Variants in LGSN observed in about 807,000 individuals in gnomAD.
LGSN encodes lengsin.
Under a neutral mutation model 19.5 loss-of-function variants are expected in LGSN, and 21 were observed. The ratio of observed to expected loss-of-function variants is 1.07; its 90% CI spans 0.76 to 1.55. The LOEUF is 1.55. LGSN is among the 40% of genes most tolerant of loss of function. The probability of loss-of-function intolerance (pLI) is 0.00; values close to 1 mark genes in which losing one functional copy is unlikely to be tolerated. For missense variants in LGSN, 673 were observed against 608.5 expected, an observed-to-expected ratio of 1.11 and a Z score of -1.12; for synonymous variants, 257 against 215.6, an observed-to-expected ratio of 1.19 and a Z score of -1.68.
the LGSN span, among the ~76,000 whole-genome samples, chr6:63,374,075 A>T: frequency 3.9e-5 from 6 of 152,126 alleles, no homozygotes; most frequent in Non-Finnish European, 8.8e-5. Flanking sequence ...TTAGAAAATG[A>T]CCTTATTTTT....
At chr6:63,412,513 A>AGAAAGAAGGAAG in the LGSN span, among the ~76,000 whole-genome samples, 2 of 113,904 alleles carry the variant, frequency 1.8e-5, no homozygotes, top group South Asian at 2.9e-4. Context: ...AAAGAAAGAA[A>AGAAAGAAGGAAG]GAAAGAAAGA....
the LGSN span, among the ~76,000 whole-genome samples, chr6:63,555,493 G>A: frequency 6.6e-6 from 1 of 152,166 alleles, no homozygotes; most frequent in African/African-American, 2.4e-5. Context: ...GTTACCAGAA[G>A]TATTACTACT....
At chr6:63,511,999 A>G in the LGSN span, among the ~76,000 whole-genome samples, 1 of 152,188 alleles carries the variant, frequency 6.6e-6, no homozygotes, top group Non-Finnish European at 1.5e-5. Context: ...ATTTTACTAT[A>G]TGGCAAGAAG....
intron 1 of LGSN, among the ~76,000 whole-genome samples, chr6:63,314,109 C>T (rs548507780): frequency 4.6e-5 from 7 of 152,134 alleles, no homozygotes; most frequent in East Asian, 1.9e-4. Flanking sequence ...GAGTTAAGAA[C>T]GGCATGTTTG....
the LGSN span, among the ~76,000 whole-genome samples, chr6:63,330,572 A>G: frequency 6.6e-6 from 1 of 152,210 alleles, no homozygotes; most frequent in Non-Finnish European, 1.5e-5. Flanking sequence ...CACTTGAGGA[A>G]GGCAGAAGGA....
intron 3 of LGSN, among the ~76,000 whole-genome samples, chr6:63,282,327 C>T (rs1249530996): frequency 6.6e-6 from 1 of 152,154 alleles, no homozygotes; most frequent in Non-Finnish European, 1.5e-5. Flanking sequence ...ATCTGCAAGC[C>T]AGACACTTTC....
the LGSN span, among the ~76,000 whole-genome samples, chr6:63,476,526 G>A: frequency 8.5e-4 from 130 of 152,340 alleles, no homozygotes; most frequent in Middle Eastern, 6.8e-3. Flanking sequence ...AGCTGGACTG[G>A]ATGTCAAAGA....
At chr6:63,518,350 C>T in the LGSN span, among the ~76,000 whole-genome samples, 2 of 152,042 alleles carry the variant, frequency 1.3e-5, no homozygotes, top group East Asian at 3.8e-4. Context: ...AAACTAACAG[C>T]TTAGGTATCT....
chr6:63,321,607 G>A (rs1403545368), upstream of LGSN, among the ~76,000 whole-genome samples: 2 of 151,616 alleles, frequency 1.3e-5, no homozygotes, highest in African/African-American at 4.9e-5. Flanking sequence ...GCCCATTTTT[G>A]TAAAAAGTGT....
At chr6:63,552,178 A>G in the LGSN span, among the ~76,000 whole-genome samples, 1 of 152,108 alleles carries the variant, frequency 6.6e-6, no homozygotes, top group African/African-American at 2.4e-5. Flanking sequence ...AAGTGTTCCT[A>G]TTTCTCCACA....
chr6:63,345,385 A>G, the LGSN span, among the ~76,000 whole-genome samples: 1 of 152,242 alleles, frequency 6.6e-6, no homozygotes, highest in East Asian at 1.9e-4. Context: ...AAAATCTAAA[A>G]TAATAGTAGC....
the LGSN span, among the ~76,000 whole-genome samples, chr6:63,385,336 C>T: frequency 6.6e-6 from 1 of 152,136 alleles, no homozygotes; most frequent in South Asian, 2.1e-4. Flanking sequence ...AAAACAAAAA[C>T]TTATTTCTTA....
intron 1 of LGSN, among the ~76,000 whole-genome samples, chr6:63,301,775 G>C (rs1028628748): frequency 2.0e-5 from 3 of 152,126 alleles, no homozygotes; most frequent in Admixed American, 1.3e-4. Context: ...AGGAGAGACA[G>C]ATTTTGTTTT....
At chr6:63,446,228 G>A in the LGSN span, among the ~76,000 whole-genome samples, 3 of 128,136 alleles carry the variant, frequency 2.3e-5, no homozygotes, top group African/African-American at 5.9e-5. Flanking sequence ...CAGCCTGGGC[G>A]ACGAGACTGT....
chr6:63,510,348 T>G, the LGSN span, among the ~76,000 whole-genome samples: 1 of 151,620 alleles, frequency 6.6e-6, no homozygotes, highest in Admixed American at 6.6e-5. Flanking sequence ...CACCACATGA[T>G]CCCAAAGGTA....
the LGSN span, among the ~76,000 whole-genome samples, chr6:63,450,630 A>G: frequency 6.6e-6 from 1 of 152,034 alleles, no homozygotes; most frequent in Non-Finnish European, 1.5e-5. Context: ...GTAAATAAAA[A>G]AGCAAAAAAC....
chr6:63,419,934 G>T, the LGSN span, among the ~76,000 whole-genome samples: 1 of 126,552 alleles, frequency 7.9e-6, no homozygotes, highest in South Asian at 2.6e-4. Flanking sequence ...AGCCTGGTAT[G>T]GTGGCTCACA....
chr6:63,399,308 ACT>A, the LGSN span, among the ~76,000 whole-genome samples: 1 of 151,656 alleles, frequency 6.6e-6, no homozygotes, highest in African/African-American at 2.4e-5. Flanking sequence ...GTGTAAATAC[ACT>A]CTATGATTTT....
the LGSN span, among the ~76,000 whole-genome samples, chr6:63,482,732 ACT>A: frequency 6.6e-6 from 1 of 152,084 alleles, no homozygotes; most frequent in Admixed American, 6.6e-5. Context: ...ACAGGATCTC[ACT>A]ATGTCACCCA....
Sources: allele counts gnomAD v4.1 joint callset (sites outside exome capture counted in the v4.1 genomes callset), GRCh38; gene constraint gnomAD v4.1.1; transcripts MANE v1.5; gene names NCBI Gene and HGNC (gene_info 2026-07-23, HGNC 2026-07-21).